Variants in CCDC149 observed in about 807,000 individuals in gnomAD.
The protein encoded by CCDC149 is coiled-coil domain-containing protein 149.
Under a neutral mutation model 59.9 loss-of-function variants are expected in CCDC149, and 45 were observed. The ratio of observed to expected loss-of-function variants is 0.75; its 90% CI spans 0.59 to 0.96. The LOEUF is 0.96. Among genes scored for constraint, CCDC149 ranks in the 40% least tolerant of loss-of-function variants. The pLI, the probability that CCDC149 is intolerant of heterozygous loss-of-function variation, is 0.00. For missense variants in CCDC149, 584 were observed against 664.7 expected (o/e 0.88, Z 1.33); for synonymous variants, 245 against 260.6 (o/e 0.94, Z 0.58).
chr4:24,964,210 A>G (rs1192476216), intron 1 of CCDC149, among the ~76,000 whole-genome samples: 1 of 138,148 alleles, frequency 7.2e-6, no homozygotes, highest in African/African-American at 2.6e-5. Context: ...AAAAAAAAAA[A>G]AGAGCCAAAT....
chr4:24,833,176 TA>T (rs75994223), intron 8 of CCDC149, among the ~76,000 whole-genome samples: 2,425 of 143,524 alleles, frequency 0.017, 76 homozygotes, highest in African/African-American at 0.058. Context: ...TACCAGACAT[TA>T]AAAAAAAAAG....
rs1227636641 is a variant in CCDC149, at chr4:24,837,664, T to A, written c.490-264A>T. On this transcript the variant is annotated intron_variant, in intron 5 of 12. Coordinates refer to ENST00000635206, the MANE Select transcript of CCDC149 (RefSeq NM_001330643.2). This position sits in a 1 kb window ranked among gnomAD's most constrained non-coding sequence, Gnocchi z 4.3. ...AACTGAACCCTCGCCAACTTCAGGA[T>A]GCCCTGCAGCTGCCAGTGTCTTACA... Among the ~76,000 whole-genome samples, 2 of 152,228 alleles carry A rather than the reference T, an allele frequency of 1.3e-5. No individual in the cohort carries two copies. The highest frequency in any genetic ancestry group is 1.5e-5 in the Non-Finnish European group (1 of 68,040).
At chr4:24,959,163 A>T (rs1269924903) in intron 1 of CCDC149, among the ~76,000 whole-genome samples, 3 of 152,096 alleles carry the variant, frequency 2.0e-5, no homozygotes, top group African/African-American at 7.2e-5. Flanking sequence ...TTTAGTGGAG[A>T]TGGTGTTTCA....
At chr4:24,927,232 C>A (rs1722455150) in intron 1 of CCDC149, among the ~76,000 whole-genome samples, 1 of 152,222 alleles carries the variant, frequency 6.6e-6, no homozygotes, top group Admixed American at 6.5e-5. Flanking sequence ...CGAAGCAGAA[C>A]TGAAACTCAG....
intron 1 of CCDC149, chr4:24,894,905 T>C (rs1052211800): frequency 6.6e-7 from 1 of 1,508,012 alleles, no homozygotes; most frequent in Non-Finnish European, 8.9e-7. Flanking sequence ...ATGCCAGCCA[T>C]TTAGGCTTTC....
chr4:24,854,129 A>G (rs1447182890), intron 3 of CCDC149, among the ~76,000 whole-genome samples: 1 of 151,644 alleles, frequency 6.6e-6, no homozygotes, highest in African/African-American at 2.4e-5. Context: ...CTCACCCCTT[A>G]CCCACATTTC....
intron 1 of CCDC149, among the ~76,000 whole-genome samples, chr4:24,970,376 C>T (rs529222373): frequency 6.2e-4 from 94 of 152,294 alleles, no homozygotes; most frequent in African/African-American, 1.7e-3. Context: ...ATGCCTGGAA[C>T]GCAATGCAGC....
chr4:24,911,637 T>C (rs1237180862), intron 1 of CCDC149, among the ~76,000 whole-genome samples: 1 of 152,198 alleles, frequency 6.6e-6, no homozygotes, highest in Non-Finnish European at 1.5e-5. Flanking sequence ...CAATGGATCA[T>C]AACACCAGAC....
chr4:24,912,950 GC>G lies in CCDC149; in HGVS notation c.-72del. ...ACGTCGCGTCGCCGCCGCCGCCCGGGCCCCGCGCGGCCCCGAGAGGGCCCGG... is the reference window on the plus strand; with the variant it reads ...ACGTCGCGTCGCCGCCGCCGCCCGGGCCCGCGCGGCCCCGAGAGGGCCCGG... On this transcript the variant is annotated 5_prime_UTR_variant, in exon 1 of 13. Coordinates refer to ENST00000635206, the MANE Select transcript of CCDC149 (RefSeq NM_001330643.2). 2 of 845,658 alleles carry G rather than the reference GC, an allele frequency of 2.4e-6. No individual in the cohort carries two copies. Among genetic ancestry groups the G allele is most frequent in the Non-Finnish European group, 3.0e-6 (2 of 660,042 alleles). The allele number at this position is 845,658 out of a possible 1,614,324, so 52.4% of individuals were successfully genotyped here. A position where few individuals can be genotyped will look rare whatever the true frequency, so the allele number is the denominator to read the frequency against.
At chr4:24,826,652 G>A (rs1715764039) in intron 9 of CCDC149, among the ~76,000 whole-genome samples, 1 of 152,208 alleles carries the variant, frequency 6.6e-6, no homozygotes, top group Admixed American at 6.5e-5. Flanking sequence ...CAAGTTGAGA[G>A]GGGTGCAGAT....
upstream of CCDC149, among the ~76,000 whole-genome samples, chr4:24,916,643 A>G (rs1316699451): frequency 6.6e-6 from 1 of 152,174 alleles, no homozygotes; most frequent in African/African-American, 2.4e-5. Flanking sequence ...AATCTCCAGT[A>G]GAGATTTTGG....
Position 24,835,022 on chromosome 4 carries a change from T to C in CCDC149, c.746A>G (p.Glu249Gly). ...CTGGCCCTTCGAGTTTTTCCGTCTCTCCAGAGCATTCTAAAACAGGATTGG... is the reference window on the plus strand; with the variant it reads ...CTGGCCCTTCGAGTTTTTCCGTCTCCCCAGAGCATTCTAAAACAGGATTGG... The change falls in exon 8 of 13, where the codon GAG becomes GGG. Residue 249 changes from glutamate to glycine, a missense_variant. By Grantham distance (98) the Glu-to-Gly change is moderately conservative. Transcript: ENST00000635206. 3.1e-6 allele frequency: 5 copies of C among 1,613,294 alleles called. No individual in the cohort carries two copies. Among genetic ancestry groups the C allele is most frequent in the Non-Finnish European group, 4.2e-6 (5 of 1,179,348 alleles).
At chr4:24,969,731 G>C (rs1407150832) in intron 1 of CCDC149, among the ~76,000 whole-genome samples, 3 of 152,170 alleles carry the variant, frequency 2.0e-5, no homozygotes, top group Non-Finnish European at 4.4e-5. Context: ...CCAGGTATGG[G>C]GACGAATGGT....
chr4:24,884,847 GGAGA>G (rs1720063078), intron 1 of CCDC149, among the ~76,000 whole-genome samples: 1 of 152,210 alleles, frequency 6.6e-6, no homozygotes, highest in Non-Finnish European at 1.5e-5. Flanking sequence ...TTATCATGGA[GGAGA>G]GAGTGACACA....
intron 3 of CCDC149, among the ~76,000 whole-genome samples, chr4:24,855,124 A>C (rs765678644): frequency 6.6e-6 from 1 of 152,150 alleles, no homozygotes; most frequent in South Asian, 2.1e-4. Flanking sequence ...ACCTCTCCCA[A>C]GCACCTAGTA....
At chr4:24,920,667 G>T (rs1381683219) in intron 1 of CCDC149, among the ~76,000 whole-genome samples, 1 of 152,192 alleles carries the variant, frequency 6.6e-6, no homozygotes, top group Non-Finnish European at 1.5e-5. Flanking sequence ...AGGATTTGAT[G>T]ACCTCCATCT....
upstream of CCDC149, among the ~76,000 whole-genome samples, chr4:24,913,974 G>A (rs1007945096): frequency 9.2e-5 from 14 of 152,132 alleles, no homozygotes; most frequent in African/African-American, 2.7e-4. Context: ...CTCTGTACTC[G>A]CAGAAACGCT....
chr4:24,842,956 C>T (rs1257237911), intron 4 of CCDC149, among the ~76,000 whole-genome samples: 1 of 152,200 alleles, frequency 6.6e-6, no homozygotes, highest in East Asian at 1.9e-4. Flanking sequence ...TTCTGCTAAT[C>T]CTAGCTATGT....
intron 1 of CCDC149, among the ~76,000 whole-genome samples, chr4:24,969,681 C>T (rs570389964): frequency 2.5e-4 from 38 of 152,324 alleles, no homozygotes; most frequent in African/African-American, 8.4e-4. Flanking sequence ...GCACTGCCCC[C>T]ACTCAGTTGC....
Sources: gnomAD v4.1 joint callset for allele counts (sites outside exome capture counted in the v4.1 genomes callset) on GRCh38, gnomAD v4.1.1 for gene constraint, Gnocchi (gnomAD v3.1) non-coding constraint, MANE v1.5 for transcripts, NCBI Gene and HGNC (gene_info 2026-07-23, HGNC 2026-07-21) for gene names.